Variants in TMC8 observed in about 807,000 individuals in gnomAD.
TMC8 encodes transmembrane channel-like protein 8.
Under a neutral mutation model 76.0 loss-of-function variants are expected in TMC8, and 71 were observed. The observed-to-expected ratio is 0.93, with a 90% CI of 0.77 to 1.14. The LOEUF (loss-of-function observed/expected upper bound fraction) is 1.14, where lower values mean the gene tolerates loss of function less well. TMC8 is among the 50% of genes most tolerant of loss of function. The pLI is 0.00. For synonymous variants in TMC8, 433 were observed against 433.8 expected (o/e 1.00, Z 0.02); for missense variants, 924 against 947.9 (o/e 0.97, Z 0.33).
chr17:78,141,269 A>G lies in TMC8; in HGVS notation c.*157A>G. On this transcript the variant is annotated 3_prime_UTR_variant, in exon 16 of 16. Coordinates refer to ENST00000318430, the MANE Select transcript of TMC8 (RefSeq NM_152468.5). ...ACACAACCCCAGCGGCAGCAGGAAA[A>G]ACATATGGGAATTTTCTTTCTATAT... 2.4e-6 allele frequency: 1 copy of G among 412,206 alleles called. No individual in the cohort carries two copies. 25.5% of individuals were successfully genotyped at this position (412,206 alleles called of 1,614,324 possible). A position where few individuals can be genotyped will look rare whatever the true frequency, so the allele number is the denominator to read the frequency against.
chr17:78,139,981 G>C (rs1327656907), intron 15 of TMC8, among the ~76,000 whole-genome samples: 1 of 152,132 alleles, frequency 6.6e-6, no homozygotes, highest in Non-Finnish European at 1.5e-5. Flanking sequence ...GGCGGAGGTT[G>C]CAGTGAGCTG....
chr17:78,137,051 G>T lies in TMC8; in HGVS notation c.1128-184G>T, dbSNP rs149218656. 269 of 809,412 alleles carry T rather than the reference G, an allele frequency of 3.3e-4. No individual in the cohort carries two copies. In the African/African-American group the frequency reaches 3.9e-3, roughly 12 times the overall value. The allele number at this position is 809,412 out of a possible 1,614,324, so 50.1% of individuals were successfully genotyped here. ...CACAGAACCCTTTTTCCCATGAATC[G>T]CCTGGAGACTCGGACTCTGAGAACG... On this transcript the variant is annotated intron_variant, in intron 9 of 15. Coordinates refer to ENST00000318430, the MANE Select transcript of TMC8 (RefSeq NM_152468.5).
chr17:78,137,834 C>T lies in TMC8; in HGVS notation c.1349+20C>T. ...TCGGAGGTGAGCCCCGGGGTGACACCTCCAGAAGGGCGGGGGTGCCGCGAG... is the reference window on the plus strand; with the variant it reads ...TCGGAGGTGAGCCCCGGGGTGACACTTCCAGAAGGGCGGGGGTGCCGCGAG... On this transcript the variant is annotated intron_variant, in intron 11 of 15. Transcript: ENST00000318430. 1.2e-6 allele frequency: 2 copies of T among 1,611,260 alleles called. No homozygotes were observed. The highest frequency in any genetic ancestry group is 1.7e-6 in the Non-Finnish European group (2 of 1,179,302).
chr17:78,140,615 T>C (rs1172559726), intron 15 of TMC8, among the ~76,000 whole-genome samples: 1 of 148,766 alleles, frequency 6.7e-6, no homozygotes. Flanking sequence ...ACGGGACTCC[T>C]GAGGGCGTGG....
At chr17:78,134,309 G>T in intron 7 of TMC8, 85 bp from the exon 8 acceptor site, 1 of 1,483,856 alleles carries the variant, frequency 6.7e-7, no homozygotes, top group Non-Finnish European at 9.3e-7. Context: ...GAATGGTTGT[G>T]ACTGTGTGTG....
rs1357757490 is a variant in TMC8, at chr17:78,132,990, T to TC, written c.531+120_531+121insC. The TC allele has an allele frequency of 6.9e-6, 8 of 1,162,022 alleles. No homozygotes were observed. The Admixed American group carries it at 1.5e-4, about 21-fold the overall frequency. 72.0% of individuals were successfully genotyped at this position (1,162,022 alleles called of 1,614,324 possible). On this transcript the variant is annotated intron_variant, in intron 5 of 15. Transcript: ENST00000318430. ...AGGGACATTTCGGCTCCTCAGGGGA[T>TC]GGTCTTACCTAGACAGACTGGCCTG...
chr17:78,131,748 C>G lies in TMC8; in HGVS notation c.149+11C>G, dbSNP rs1481288123. On this transcript the variant is annotated intron_variant, in intron 2 of 15. Coordinates refer to ENST00000318430, the MANE Select transcript of TMC8 (RefSeq NM_152468.5). ...CAAGCGCCTCATCTGGTGGGTGCCA[C>G]GCGGGCGCCAGACGGTGCGTGGGGG... 1 of 1,576,708 alleles carries G rather than the reference C, an allele frequency of 6.3e-7. No individual in the cohort carries two copies.
rs1037469341 is a variant in TMC8 at position 78,131,676 on chromosome 17, C to A, written c.88C>A (p.Arg30Ser). The change falls in exon 2 of 16, where the codon CGC becomes AGC. Residue 30 changes from arginine to serine, a missense_variant. Physicochemically the swap from Arg to Ser is moderately radical, Grantham distance 110 (BLOSUM62 -1). Coordinates refer to ENST00000318430, the MANE Select transcript of TMC8 (RefSeq NM_152468.5). The part of the protein sequence containing the change: ...ELWEAEMERL[R>S]GSGTPVRGLP... The stretch of plus-strand genomic sequence containing the variant: ...GTGGGAGGCAGAGATGGAGCGGCTG[C>A]GCGGCTCTGGGACGCCCGTGCGCGG... 3.8e-6 allele frequency: 6 copies of A among 1,572,848 alleles called. No individual in the cohort carries two copies. The East Asian group carries it at 9.3e-5, about 24-fold the overall frequency.
In TMC8 at chr17:78,141,113, C is replaced by G. The variant is rs753265609; in HGVS notation, c.*1C>G. The G allele has an allele frequency of 2.3e-5, 36 of 1,555,780 alleles. No homozygotes were observed. The highest frequency in any genetic ancestry group is 3.0e-5 in the Non-Finnish European group (35 of 1,158,618). On this transcript the variant is annotated 3_prime_UTR_variant, in exon 16 of 16. Coordinates refer to ENST00000318430, the MANE Select transcript of TMC8 (RefSeq NM_152468.5). Reference sequence around the variant, plus strand: ...CTTCCCCAGCGGCGCGGAGCTGTAACCCCTACCCCTGCCTCCCCGAAGCCT... The same window carrying G: ...CTTCCCCAGCGGCGCGGAGCTGTAAGCCCTACCCCTGCCTCCCCGAAGCCT...
At chr17:78,134,791 C>T in intron 8 of TMC8, 79 bp from the exon 9 acceptor site, 2 of 1,603,950 alleles carry the variant, frequency 1.2e-6, no homozygotes, top group Admixed American at 1.7e-5. Flanking sequence ...CAGAGTTACA[C>T]TTTAGGGCAC....
intron 9 of TMC8, chr17:78,137,020 C>T (rs1221145805): frequency 2.2e-5 from 14 of 639,226 alleles, no homozygotes; most frequent in South Asian, 1.9e-4. Context: ...TGAAACAAAA[C>T]GAAAACACAG....
chr17:78,134,483 C>T lies in TMC8; in HGVS notation c.906C>T (p.Val302=), dbSNP rs1164949625. 6.2e-7 allele frequency: 1 copy of T among 1,614,062 alleles called. No homozygotes were observed. The highest frequency in any genetic ancestry group is 2.2e-5 in the East Asian group (1 of 44,870). ...GCCGCCTGCTCTCCTACCTGCGGGT[C>T]AACGTACTCAACGGGCTCCTGGTGG... is the stretch of plus-strand genomic sequence containing the variant. ...TACRLLSYLR[V]NVLNGLLVVG... is the part of the protein sequence containing the mutation. The change falls in exon 8 of 16, where the codon GTC becomes GTT. Residue 302 remains valine, a synonymous_variant. Transcript: ENST00000318430.
At position 78,133,464 on chromosome 17, in the gene TMC8, C is replaced by T. The variant is rs1033012865; in HGVS notation, c.590C>T (p.Ser197Phe). The T allele has an allele frequency of 3.7e-6, 6 of 1,613,624 alleles. No individual in the cohort carries two copies. Among genetic ancestry groups the T allele is most frequent in the Non-Finnish European group, 4.2e-6 (5 of 1,180,042 alleles). The change falls in exon 6 of 16, where the codon TCC becomes TTC. Residue 197 changes from serine (S) to phenylalanine (F), a missense_variant. Physicochemically the swap from Ser to Phe is radical, Grantham distance 155. Coordinates refer to ENST00000318430, the MANE Select transcript of TMC8 (RefSeq NM_152468.5). ...TACCGAGTGGGGCCGGAGAGCAGCT[C>T]CGTGTACAGCATCCGCCTGGCCTAC... ...GAYRVGPESSSVYSIRLAYLL... is the reference protein window; with the variant it reads ...GAYRVGPESSFVYSIRLAYLL...
At chr17:78,133,365 T>A in intron 5 of TMC8, 41 bp from the exon 6 acceptor site, 1 of 1,613,372 alleles carries the variant, frequency 6.2e-7, no homozygotes, top group Non-Finnish European at 8.5e-7. Context: ...GAGCAGAGCC[T>A]GGTGCTCACC....
intron 8 of TMC8, 146 bp from the exon 9 acceptor site, chr17:78,134,724 C>A: frequency 6.6e-7 from 1 of 1,517,272 alleles, no homozygotes; most frequent in Non-Finnish European, 9.0e-7. Flanking sequence ...ATATTCCCGC[C>A]AACTGCCAGG....
Position 78,141,016 on chromosome 17 carries a change from C to G in TMC8, c.2085C>G (p.Val695=). 6.3e-7 allele frequency: 1 copy of G among 1,599,490 alleles called. No individual in the cohort carries two copies. The highest frequency in any genetic ancestry group is 8.5e-7 in the Non-Finnish European group (1 of 1,174,336). ...GHQAPRPGPS[V]VDAAGLRSPC... ...AGGCCCCGCGGCCGGGCCCCTCCGT[C>G]GTGGATGCCGCGGGACTGCGTTCCC... Residue 695 remains valine, a synonymous_variant, in exon 16 of 16, where the codon GTC becomes GTG. Coordinates refer to ENST00000318430, the MANE Select transcript of TMC8 (RefSeq NM_152468.5).
intron 15 of TMC8, 100 bp from the exon 16 acceptor site, chr17:78,140,734 C>A: frequency 2.7e-6 from 4 of 1,486,240 alleles, no homozygotes; most frequent in African/African-American, 1.4e-5. Context: ...ACTTTGGGTG[C>A]GGGCTGGCCC....
intron 14 of TMC8, 101 bp downstream of exon 14, chr17:78,138,833 C>A: frequency 6.4e-7 from 1 of 1,568,768 alleles, no homozygotes; most frequent in South Asian, 1.1e-5. Context: ...AGGAGCCAGA[C>A]GCAGAAAGCC....
intron 9 of TMC8, among the ~76,000 whole-genome samples, chr17:78,135,454 AAAGTC>A (rs1437177760): frequency 6.6e-6 from 1 of 152,168 alleles, no homozygotes; most frequent in African/African-American, 2.4e-5. Flanking sequence ...GCGCCCAGCC[AAAGTC>A]AAGCTCATCG....
Sources: allele counts gnomAD v4.1 joint callset (sites outside exome capture counted in the v4.1 genomes callset), GRCh38; gene constraint gnomAD v4.1.1; transcripts MANE v1.5; gene names NCBI Gene and HGNC (gene_info 2026-07-23, HGNC 2026-07-21).